The following GFM1 variants were observed in gnomAD, a reference collection of about 807,000 sequenced individuals.
GFM1 encodes elongation factor G, mitochondrial.
In GFM1, 62 loss-of-function variants were observed where a neutral mutation model predicts 96.2. The ratio of observed to expected loss-of-function variants is 0.64; its 90% CI spans 0.53 to 0.80. The LOEUF (loss-of-function observed/expected upper bound fraction) is 0.80. GFM1 is among the 30% of genes least tolerant of loss of function. The probability of loss-of-function intolerance (pLI) is 0.00; values close to 1 mark genes in which losing one functional copy is unlikely to be tolerated. For missense variants in GFM1, 852 were observed against 916.6 expected, an observed-to-expected ratio of 0.93 and a Z score of 0.91; for synonymous variants, 282 against 312.9, an observed-to-expected ratio of 0.90 and a Z score of 1.04.
intron 13 of GFM1, among the ~76,000 whole-genome samples, chr3:158,679,378 G>A (rs1414808546): frequency 6.6e-6 from 1 of 152,138 alleles, no homozygotes; most frequent in African/African-American, 2.4e-5. Flanking sequence ...AGATATGCCT[G>A]TATGTTTTGA....
chr3:158,644,569 C>G lies in GFM1; in HGVS notation c.-66C>G, dbSNP rs564879457. ...TGCCGGCGTGACTTTGACCGCTTCCCGGTGCGTTACCGGCAGCTGAACCCA... is the reference window on the plus strand; with the variant it reads ...TGCCGGCGTGACTTTGACCGCTTCCGGGTGCGTTACCGGCAGCTGAACCCA... On this transcript the variant is annotated 5_prime_UTR_variant, in exon 1 of 18. Transcript: ENST00000486715. The G allele has an allele frequency of 1.6e-5, 22 of 1,346,096 alleles. No individual in the cohort carries two copies. Among genetic ancestry groups the G allele is most frequent in the East Asian group, 1.0e-4 (4 of 40,058 alleles). 83.4% of individuals were successfully genotyped at this position (1,346,096 alleles called of 1,614,324 possible).
rs1418330538 is a variant in GFM1, at chr3:158,676,151, T to C, written c.1602-5844T>C. On this transcript the variant is annotated intron_variant, in intron 13 of 17. Coordinates refer to ENST00000486715, the MANE Select transcript of GFM1 (RefSeq NM_024996.7). The stretch of plus-strand genomic sequence containing the variant: ...AGATGTGATAGCATGTGCCTGTAGT[T>C]CCAGCTACTCGGGAGGCTGAGGTGG... 2.0e-5 allele frequency among the ~76,000 whole-genome samples: 3 copies of C among 152,106 alleles called. No homozygotes were observed. In the East Asian group the frequency reaches 5.8e-4, roughly 29 times the overall value.
chr3:158,660,609 A>C, intron 9 of GFM1: 8 of 439,260 alleles, frequency 1.8e-5, no homozygotes, highest in Admixed American at 3.5e-5. Flanking sequence ...TGTTGTTAGT[A>C]CTGCAGCTCC....
At chr3:158,676,553 A>G (rs779621960) in intron 13 of GFM1, among the ~76,000 whole-genome samples, 2 of 152,180 alleles carry the variant, frequency 1.3e-5, no homozygotes, top group Non-Finnish European at 2.9e-5. Context: ...ATTTAAAATT[A>G]AAAACCTTAA....
At chr3:158,682,877 GA>G (rs748899463) in intron 14 of GFM1, among the ~76,000 whole-genome samples, 2 of 151,378 alleles carry the variant, frequency 1.3e-5, no homozygotes, top group African/African-American at 2.4e-5. Flanking sequence ...AATAAAAATA[GA>G]AAAAAAATTA....
In GFM1 at chr3:158,667,731, C is replaced by T. The variant is rs779652062; in HGVS notation, c.1601+1345C>T. On this transcript the variant is annotated intron_variant, in intron 13 of 17. Coordinates refer to ENST00000486715, the MANE Select transcript of GFM1 (RefSeq NM_024996.7). ...TGAGCCTGGGAGATTGAGGCTGCAG[C>T]GAGCCATGATCACACTAATGCACTC... Among the ~76,000 whole-genome samples the T allele has an allele frequency of 5.9e-5, 9 of 152,144 alleles. No individual in the cohort carries two copies. In the Middle Eastern group the frequency reaches 0.02, roughly 345 times the overall value.
chr3:158,677,885 T>A (rs1337474291), intron 13 of GFM1, among the ~76,000 whole-genome samples: 1 of 152,192 alleles, frequency 6.6e-6, no homozygotes, highest in African/African-American at 2.4e-5. Flanking sequence ...TGGAGAGAAG[T>A]CAGTGCCTGG....
rs569307024 is a variant in GFM1 at position 158,693,751 on chromosome 3, C to G, written c.*2284C>G. The G allele has an allele frequency of 2.6e-5, 4 of 152,260 alleles. No homozygotes were observed. In the South Asian group the frequency reaches 8.3e-4, roughly 32 times the overall value. 9.4% of individuals were successfully genotyped at this position (152,260 alleles called of 1,614,324 possible). On this transcript the variant is annotated 3_prime_UTR_variant, in exon 18 of 18. Transcript: ENST00000486715. ...CACTAGGTAGTATTGTACTGATTCCCAACCCTCACTGTACTTTAAAAATCA... is the reference window on the plus strand; with the variant it reads ...CACTAGGTAGTATTGTACTGATTCCGAACCCTCACTGTACTTTAAAAATCA...
chr3:158,691,673 T>C lies in GFM1; in HGVS notation c.*206T>C, dbSNP rs1212401857. The C allele has an allele frequency of 1.0e-5, 5 of 501,100 alleles. No individual in the cohort carries two copies. Among genetic ancestry groups the C allele is most frequent in the Non-Finnish European group, 1.8e-5 (5 of 279,338 alleles). The allele number at this position is 501,100 out of a possible 1,614,324, so 31.0% of individuals were successfully genotyped here. On this transcript the variant is annotated 3_prime_UTR_variant, in exon 18 of 18. Transcript: ENST00000486715. ...GGTAATTCTATGTCTATCTCAACTC[T>C]ATTGATTGGTTTTATAGTTCATTGA...
intron 13 of GFM1, among the ~76,000 whole-genome samples, chr3:158,673,240 T>A (rs950573673): frequency 5.9e-5 from 9 of 152,196 alleles, no homozygotes; most frequent in Admixed American, 2.6e-4. Flanking sequence ...AAATGATAAG[T>A]TTTGATGTAA....
At chr3:158,682,347 A>G (rs1725471318) in intron 14 of GFM1, 190 bp downstream of exon 14, 2 of 572,652 alleles carry the variant, frequency 3.5e-6, no homozygotes, top group Admixed American at 3.1e-5. Flanking sequence ...CTGTAAATCC[A>G]TGCTGTGACA....
chr3:158,672,983 A>G (rs181553655), intron 13 of GFM1, among the ~76,000 whole-genome samples: 1 of 152,304 alleles, frequency 6.6e-6, no homozygotes, highest in East Asian at 1.9e-4. Flanking sequence ...TATACACCGC[A>G]TGCAGCGTCC....
At chr3:158,664,942 C>T (rs763389456) in intron 11 of GFM1, among the ~76,000 whole-genome samples, 8 of 152,166 alleles carry the variant, frequency 5.3e-5, no homozygotes, top group Non-Finnish European at 1.2e-4. Flanking sequence ...CTGCTTGGAT[C>T]TACAGTAGTG....
intron 13 of GFM1, among the ~76,000 whole-genome samples, chr3:158,680,142 A>C (rs1003073388): frequency 1.3e-5 from 2 of 152,080 alleles, no homozygotes; most frequent in African/African-American, 4.8e-5. Context: ...CCCTGACATA[A>C]TTTTTCTTTT....
In GFM1 at chr3:158,691,125, A is replaced by G. The variant is rs1726277489; in HGVS notation, c.2071-14A>G. Reference sequence around the variant, plus strand: ...AATAAGCAGTGCTAAAATATCTACTATGTTTGTTTTCAGGTCCCTCTAAAT... The same window carrying G: ...AATAAGCAGTGCTAAAATATCTACTGTGTTTGTTTTCAGGTCCCTCTAAAT... On this transcript the variant is annotated splice_polypyrimidine_tract_variant and intron_variant, in intron 16 of 17. Coordinates refer to ENST00000486715, the MANE Select transcript of GFM1 (RefSeq NM_024996.7). The G allele has an allele frequency of 6.3e-7, 1 of 1,584,376 alleles. No individual in the cohort carries two copies. The highest frequency in any genetic ancestry group is 8.7e-7 in the Non-Finnish European group (1 of 1,153,184).
intron 14 of GFM1, among the ~76,000 whole-genome samples, chr3:158,683,716 A>G (rs1196013897): frequency 6.6e-6 from 1 of 152,180 alleles, no homozygotes; most frequent in Non-Finnish European, 1.5e-5. Context: ...TCCTCATTGT[A>G]AAATTAAGAT....
At chr3:158,650,368 A>G (rs73028908) in intron 5 of GFM1, 17 of 287,212 alleles carry the variant, frequency 5.9e-5, no homozygotes, top group Admixed American at 4.7e-4. Context: ...TTTGTAAATG[A>G]ATGAATAAAT....
In GFM1 at chr3:158,684,636, TC is replaced by T. The variant is rs1225913995; in HGVS notation, c.1878del (p.Phe626LeufsTer30). The T allele has an allele frequency of 1.2e-6, 2 of 1,614,058 alleles. No individual in the cohort carries two copies. Among genetic ancestry groups the T allele is most frequent in the African/African-American group, 2.7e-5 (2 of 75,042 alleles). Reference sequence around the variant, plus strand: ...ATGGTTGATTCTAATGAAATCTCTTTCATCCGAGCAGGAGAAGGTGCTCTTA... The same window carrying T: ...ATGGTTGATTCTAATGAAATCTCTTTATCCGAGCAGGAGAAGGTGCTCTTA... Reference protein sequence around the residue: ...HHMVDSNEISFIRAGEGALKQ... With the variant: ...HHMVDSNEISXIRAGEGALKQ... On this transcript the variant is annotated frameshift_variant, in exon 15 of 18. Transcript: ENST00000486715. LOFTEE classifies it high-confidence loss of function.
Position 158,670,943 on chromosome 3 carries a change from G to T in GFM1, c.1601+4557G>T, listed in dbSNP as rs201856097. On this transcript the variant is annotated intron_variant, in intron 13 of 17. Coordinates refer to ENST00000486715, the MANE Select transcript of GFM1 (RefSeq NM_024996.7). ...GTGAGACCCTGTCTCAAAGAAAAAA[G>T]AAATTTAACTTACTTTTTGTATAAT... The T allele has an allele frequency of 7.9e-4, 1,207 of 1,532,050 alleles. 1 individual carries two copies. Among genetic ancestry groups the T allele is most frequent in the Non-Finnish European group, 1.0e-3 (1,139 of 1,140,772 alleles). 94.9% of individuals were successfully genotyped at this position (1,532,050 alleles called of 1,614,324 possible).
Sources: allele counts gnomAD v4.1 joint callset (sites outside exome capture counted in the v4.1 genomes callset), GRCh38; gene constraint gnomAD v4.1.1; transcripts MANE v1.5; gene names NCBI Gene and HGNC (gene_info 2026-07-23, HGNC 2026-07-21).